The following TRIOBP variants were observed in gnomAD, a reference collection of about 807,000 sequenced individuals.
The protein encoded by TRIOBP is TRIO and F-actin binding protein.
A neutral mutation model predicts 238.8 loss-of-function variants in TRIOBP; 169 were observed. The observed-to-expected ratio is 0.71, with a 90% CI of 0.62 to 0.80. TRIOBP has a LOEUF of 0.80. Ranked by LOEUF, TRIOBP falls within the 30% of genes least tolerant of loss-of-function variation. The pLI is 0.00. For synonymous variants in TRIOBP, 1,150 were observed against 1,274.4 expected (o/e 0.90, Z 2.08); for missense variants, 2,838 against 3,122.6 (o/e 0.91, Z 2.17).
chr22:37,708,872 C>T (rs1247391619), intron 3 of TRIOBP, among the ~76,000 whole-genome samples: 1 of 152,138 alleles, frequency 6.6e-6, no homozygotes, highest in African/African-American at 2.4e-5. Context: ...GGGGCCCACT[C>T]AAGTGGGTGG....
chr22:37,726,430 C>A lies in TRIOBP; in HGVS notation c.3874C>A (p.Gln1292Lys). ...LAQRQPGPQA[Q>K]CSSGGRTHSP... ...CCAGAGACAGCCAGGGCCCCAGGCG[C>A]AGTGCAGCAGCGGGGGCCGCACCCA... The change falls in exon 7 of 24, where the codon CAG becomes AAG. Residue 1292 changes from glutamine to lysine, a missense_variant. Coordinates refer to ENST00000644935, the MANE Select transcript of TRIOBP (RefSeq NM_001039141.3). The A allele has an allele frequency of 4.4e-6, 7 of 1,584,206 alleles. No homozygotes were observed. Among genetic ancestry groups the A allele is most frequent in the Non-Finnish European group, 6.0e-6 (7 of 1,166,876 alleles).
At position 37,713,381 on chromosome 22, in the gene TRIOBP, C is replaced by T; in HGVS notation, c.426C>T (p.Thr142=). 1.9e-6 allele frequency: 3 copies of T among 1,613,790 alleles called. No homozygotes were observed. The highest frequency in any genetic ancestry group is 2.5e-6 in the Non-Finnish European group (3 of 1,180,004). ...SDPTSSPDSA[T]PDDTSNSSSV... ...CCACCTCCAGCCCTGACTCCGCCAC[C>T]CCTGATGATACCAGCAACTCGTCCT... The change falls in exon 5 of 24, where the codon ACC becomes ACT. Residue 142 remains threonine, a synonymous_variant. Coordinates refer to ENST00000644935, the MANE Select transcript of TRIOBP (RefSeq NM_001039141.3).
chr22:37,697,410 C>G (rs1353052567), intron 1 of TRIOBP, among the ~76,000 whole-genome samples, 178 bp from the exon 2 acceptor site: 2 of 152,146 alleles, frequency 1.3e-5, no homozygotes, highest in African/African-American at 2.4e-5. Flanking sequence ...CTTTATGTGG[C>G]CAGACCAGGA....
intron 17 of TRIOBP, chr22:37,759,508 G>A (rs1263401206): frequency 1.3e-5 from 21 of 1,607,368 alleles, no homozygotes; most frequent in Non-Finnish European, 1.8e-5. Context: ...CCGCCTGCAG[G>A]TCTCAAAGGT....
intron 10 of TRIOBP, 102 bp downstream of exon 10, chr22:37,738,821 C>A: frequency 7.9e-7 from 1 of 1,271,596 alleles, no homozygotes; most frequent in African/African-American, 1.5e-5. Context: ...TCAACCAGAC[C>A]AAAGTTGGCA....
Position 37,723,862 on chromosome 22 carries a change from G to A in TRIOBP, c.1306G>A (p.Asp436Asn), listed in dbSNP as rs75659869. The A allele has an allele frequency of 0.067, 105,875 of 1,589,444 alleles. 4,406 individuals carry two copies. Among genetic ancestry groups the A allele is most frequent in the Non-Finnish European group, 0.077 (90,043 of 1,164,026 alleles). Residue 436 changes from aspartate (D) to asparagine (N), a missense_variant, in exon 7 of 24, where the codon GAC (aspartate) becomes AAC (asparagine). Coordinates refer to ENST00000644935, the MANE Select transcript of TRIOBP (RefSeq NM_001039141.3). ...CCCCAGAACATCCTGCGCCCAGCGG[G>A]ACAATCCCAGAGCCTCCTCTCCCAG... The part of the protein sequence containing the change: ...DNPRTSCAQR[D>N]NPRASSPSRA...
chr22:37,716,952 G>C (rs1276909886), intron 6 of TRIOBP, among the ~76,000 whole-genome samples: 1 of 152,246 alleles, frequency 6.6e-6, no homozygotes, highest in African/African-American at 2.4e-5. Context: ...AAACAGGATA[G>C]TCATGGTTTC....
rs1326424613 is a variant in TRIOBP at position 37,769,177 on chromosome 22, G to A, written c.6725G>A (p.Arg2242His). Reference sequence around the variant, plus strand: ...CAGCAGGAGGGCCAGGAGCTGCTGCGCCACAACCAGGTGGGCCTGGCCCCA... The same window carrying A: ...CAGCAGGAGGGCCAGGAGCTGCTGCACCACAACCAGGTGGGCCTGGCCCCA... ...RCQQEGQELL[R>H]HNQELHGRLS... The change falls in exon 20 of 24, where the codon CGC (arginine) becomes CAC (histidine). Residue 2242 changes from arginine (R) to histidine (H), a missense_variant. Transcript: ENST00000644935. The A allele has an allele frequency of 3.1e-6, 5 of 1,607,928 alleles. No homozygotes were observed. Among genetic ancestry groups the A allele is most frequent in the East Asian group, 2.2e-5 (1 of 44,600 alleles).
chr22:37,758,865 G>A (rs1926090298), intron 16 of TRIOBP, among the ~76,000 whole-genome samples: 1 of 152,112 alleles, frequency 6.6e-6, no homozygotes, highest in South Asian at 2.1e-4. Flanking sequence ...CCTCCATGAT[G>A]TGTAAACATC....
At chr22:37,731,658 T>C (rs1924426862) in intron 7 of TRIOBP, among the ~76,000 whole-genome samples, 1 of 151,748 alleles carries the variant, frequency 6.6e-6, no homozygotes, top group African/African-American at 2.4e-5. Flanking sequence ...GGTTTCACTA[T>C]GTTGACCAGG....
chr22:37,753,733 G>A (rs895287363), intron 12 of TRIOBP, among the ~76,000 whole-genome samples: 3 of 152,334 alleles, frequency 2.0e-5, no homozygotes, highest in East Asian at 1.9e-4. Flanking sequence ...AGAAGGTATC[G>A]TCGTTGCATG....
chr22:37,745,482 G>A (rs906440383), intron 11 of TRIOBP, among the ~76,000 whole-genome samples: 5 of 152,088 alleles, frequency 3.3e-5, no homozygotes, highest in Non-Finnish European at 7.4e-5. Context: ...TGCAGGAAAA[G>A]AGCATCTAAC....
chr22:37,708,274 G>T (rs887194791), intron 3 of TRIOBP, among the ~76,000 whole-genome samples: 8 of 148,884 alleles, frequency 5.4e-5, no homozygotes, highest in African/African-American at 1.7e-4. Context: ...AAAAATTGAG[G>T]CCAGGCACAG....
chr22:37,710,386 C>T (rs760061129), intron 3 of TRIOBP, 41 bp from the exon 4 acceptor site: 9 of 1,610,736 alleles, frequency 5.6e-6, no homozygotes, highest in South Asian at 4.4e-5. Flanking sequence ...GGAGCCCCCA[C>T]GTGGGCGCTG....
At chr22:37,751,915 G>A in intron 12 of TRIOBP, 87 bp downstream of exon 12, 1 of 1,366,130 alleles carries the variant, frequency 7.3e-7, no homozygotes, top group Non-Finnish European at 1.0e-6. Context: ...TGGGGCTGGG[G>A]CTGGTGTGAG....
Position 37,725,954 on chromosome 22 carries a change from C to T in TRIOBP, c.3398C>T (p.Ser1133Phe), listed in dbSNP as rs758559754. Residue 1133 changes from serine to phenylalanine, a missense_variant, in exon 7 of 24, where the codon TCC becomes TTC. This residue lies in a region of TRIOBP where 2,096 missense variants were observed against 2,137.4 expected (regional missense o/e 0.98). Transcript: ENST00000644935. ...CCACCACGCCAGGCCCCAGAGCCTT[C>T]CCTCTTATTCCAGGACCTCCCCAGG... The part of the protein sequence containing the change: ...SSPPRQAPEP[S>F]LLFQDLPRAS... 6.2e-7 allele frequency: 1 copy of T among 1,610,130 alleles called. No homozygotes were observed. The highest frequency in any genetic ancestry group is 8.5e-7 in the Non-Finnish European group (1 of 1,179,030).
Position 37,755,093 on chromosome 22 carries a change from TG to T in TRIOBP, c.5488-7del, listed in dbSNP as rs34655947. 91,916 of 1,613,276 alleles carry T rather than the reference TG, an allele frequency of 0.057. 2,803 individuals are homozygous for T. The highest frequency in any genetic ancestry group is 0.1 in the Admixed American group (6,029 of 59,896). On this transcript the variant is annotated splice_region_variant and splice_polypyrimidine_tract_variant and intron_variant, in intron 13 of 23. Coordinates refer to ENST00000644935, the MANE Select transcript of TRIOBP (RefSeq NM_001039141.3). The stretch of plus-strand genomic sequence containing the variant: ...CCACACGGACCATAGTGGGCCCTCT[TG>T]CTCCAGGCAGATGAGCTGGATGGTG...
At chr22:37,770,131 G>A (rs556313348) in intron 21 of TRIOBP, among the ~76,000 whole-genome samples, 9 of 141,480 alleles carry the variant, frequency 6.4e-5, no homozygotes, top group Admixed American at 4.3e-4. Context: ...CACAACCTCC[G>A]CCTCCCAGGT....
rs750514201 is a variant in TRIOBP at position 37,725,365 on chromosome 22, A to G, written c.2809A>G (p.Ile937Val). 7 of 1,612,432 alleles carry G rather than the reference A, an allele frequency of 4.3e-6. No homozygotes were observed. The highest frequency in any genetic ancestry group is 2.2e-5 in the East Asian group (1 of 44,844). ...GCAAAGCGAGGTTCCCTGGGCATCC[A>G]TCGCCCTCCGGCCAACCCAAGGTGA... ...SKQSEVPWAS[I>V]ALRPTQGDRP... Residue 937 changes from isoleucine (I) to valine (V), a missense_variant, in exon 7 of 24, where the codon ATC becomes GTC. By Grantham distance (29) the Ile-to-Val change is conservative (BLOSUM62 3). Transcript: ENST00000644935.
Sources: gnomAD v4.1 joint callset for allele counts (sites outside exome capture counted in the v4.1 genomes callset) on GRCh38, gnomAD v4.1.1 for gene constraint, gnomAD v4.1.1 regional missense constraint, MANE v1.5 for transcripts, NCBI Gene and HGNC (gene_info 2026-07-23, HGNC 2026-07-21) for gene names.